PLG: variants seen among roughly 807,000 people sequenced by gnomAD.
PLG encodes the protein plasmin.
Under a neutral mutation model 104.4 loss-of-function variants are expected in PLG, and 41 were observed. The observed-to-expected ratio is 0.39, with a 90% CI of 0.31 to 0.51. PLG has a LOEUF of 0.51. Among genes scored for constraint, PLG ranks in the 20% least tolerant of loss-of-function variants. PLG has a pLI of 0.76. For synonymous variants in PLG, 337 were observed against 357.1 expected, an observed-to-expected ratio of 0.94 and a Z score of 0.63; for missense variants, 891 against 1,003.6, an observed-to-expected ratio of 0.89 and a Z score of 1.52.
chr6:160,748,366 A>AAGAGAGAGAGAGAG (rs1554252951), intron 17 of PLG, among the ~76,000 whole-genome samples: 2 of 38,136 alleles, frequency 5.2e-5, no homozygotes, highest in African/African-American at 9.0e-5. Flanking sequence ...GAAAGAAAGA[A>AAGAGAGAGAGAGAG]AGAAAGAAAG....
intron 6 of PLG, 26 bp downstream of exon 6, chr6:160,714,940 C>T (rs1219485964): frequency 1.2e-5 from 20 of 1,608,352 alleles, no homozygotes; most frequent in Non-Finnish European, 1.6e-5. Flanking sequence ...AAAAACATTC[C>T]ATGTTTAATT....
Position 160,739,621 on chromosome 6 carries a change from G to C in PLG, c.2018+413G>C, listed in dbSNP as rs1413972674. Among the ~76,000 whole-genome samples the C allele has an allele frequency of 6.6e-6, 1 of 151,798 alleles. No individual in the cohort carries two copies. Among genetic ancestry groups the C allele is most frequent in the Non-Finnish European group, 1.5e-5 (1 of 67,944 alleles). On this transcript the variant is annotated intron_variant, in intron 16 of 18. Coordinates refer to ENST00000308192, the MANE Select transcript of PLG (RefSeq NM_000301.5). This position sits in a 1 kb window ranked among gnomAD's most constrained non-coding sequence, Gnocchi z 4.4. ...TAAAAACCACAAGATCGAGTTGGGT[G>C]TCTGGTGTGGGTGCCTGTAATCCCA...
chr6:160,741,136 G>A lies in PLG; in HGVS notation c.2019-175G>A, dbSNP rs1236116041. Among the ~76,000 whole-genome samples, 1 of 152,196 alleles carries A rather than the reference G, an allele frequency of 6.6e-6. No homozygotes were observed. Among genetic ancestry groups the A allele is most frequent in the African/African-American group, 2.4e-5 (1 of 41,432 alleles). On this transcript the variant is annotated intron_variant, in intron 16 of 18. Coordinates refer to ENST00000308192, the MANE Select transcript of PLG (RefSeq NM_000301.5). This position sits in a 1 kb window ranked among gnomAD's most constrained non-coding sequence, Gnocchi z 4.7. The stretch of plus-strand genomic sequence containing the variant: ...AAACCTTACATCTGCATAGTCCATA[G>A]ACAACCACAGGCAAATGTGAGGGTG...
At position 160,735,199 on chromosome 6, in the gene PLG, G is replaced by A. The variant is rs6905971; in HGVS notation, c.1681+1111G>A. Among the ~76,000 whole-genome samples, 2,860 of 152,230 alleles carry A rather than the reference G, an allele frequency of 0.019. 90 individuals carry two copies. The highest frequency in any genetic ancestry group is 0.066 in the African/African-American group (2,746 of 41,512). ...TGGCACCTCTAACTCAAAGTCCCTC[G>A]ATGGAGTCAGTTCCAGTTCTCCACT... is the stretch of plus-strand genomic sequence containing the variant. On this transcript the variant is annotated intron_variant, in intron 13 of 18. Coordinates refer to ENST00000308192, the MANE Select transcript of PLG (RefSeq NM_000301.5). This position sits in a 1 kb window ranked among gnomAD's most constrained non-coding sequence, Gnocchi z 5.4.
rs1366356992 is a variant in PLG, at chr6:160,731,190, C to G, written c.1396C>G (p.Pro466Ala). 1 of 1,614,140 alleles carries G rather than the reference C, an allele frequency of 6.2e-7. No homozygotes were observed. The highest frequency in any genetic ancestry group is 1.7e-5 in the Admixed American group (1 of 60,022). The change falls in exon 11 of 19, where the codon CCT becomes GCT. Residue 466 changes from proline to alanine, a missense_variant. By Grantham distance (27) the Pro-to-Ala change is conservative (BLOSUM62 -1). Transcript: ENST00000308192. The surrounding 1 kb of genome is among the most constrained non-coding windows in gnomAD (Gnocchi z 5.1). ...AGAAGCGAGTGTTGTAGCACCTCCG[C>G]CTGTTGTCCTGCTTCCAGATGTAGA... Reference protein sequence around the residue: ...GTEASVVAPPPVVLLPDVETP... With the variant: ...GTEASVVAPPAVVLLPDVETP...
In PLG at chr6:160,740,927, T is replaced by C. The variant is rs1778182016; in HGVS notation, c.2019-384T>C. Among the ~76,000 whole-genome samples the C allele has an allele frequency of 6.6e-6, 1 of 152,206 alleles. No individual in the cohort carries two copies. Among genetic ancestry groups the C allele is most frequent in the Admixed American group, 6.5e-5 (1 of 15,278 alleles). On this transcript the variant is annotated intron_variant, in intron 16 of 18. Transcript: ENST00000308192. This position sits in a 1 kb window ranked among gnomAD's most constrained non-coding sequence, Gnocchi z 5.2. The stretch of plus-strand genomic sequence containing the variant: ...CATTTGCAATTTTACAGCCTCTTGG[T>C]GGCATCTCAGTCAGACATTCCATGC...
chr6:160,732,999 C>T lies in PLG; in HGVS notation c.1588-996C>T, dbSNP rs1483563717. Among the ~76,000 whole-genome samples, 1 of 152,124 alleles carries T rather than the reference C, an allele frequency of 6.6e-6. No individual in the cohort carries two copies. Among genetic ancestry groups the T allele is most frequent in the African/African-American group, 2.4e-5 (1 of 41,420 alleles). On this transcript the variant is annotated intron_variant, in intron 12 of 18. Transcript: ENST00000308192. The surrounding 1 kb of genome is among the most constrained non-coding windows in gnomAD (Gnocchi z 4.5). ...TTGGACGTGGGGGGCTGAACAGTTC[C>T]AACCCTGCAATCACATGGTTGGTTC... is the stretch of plus-strand genomic sequence containing the variant.
chr6:160,726,051 T>C lies in PLG; in HGVS notation c.1256+3484T>C, dbSNP rs762054112. 8.6e-5 allele frequency among the ~76,000 whole-genome samples: 13 copies of C among 151,860 alleles called. No individual in the cohort carries two copies. The highest frequency in any genetic ancestry group is 2.1e-4 in the South Asian group (1 of 4,818). On this transcript the variant is annotated intron_variant, in intron 10 of 18. Coordinates refer to ENST00000308192, the MANE Select transcript of PLG (RefSeq NM_000301.5). The surrounding 1 kb of genome is among the most constrained non-coding windows in gnomAD (Gnocchi z 4.4). ...TGGTTATACATCTTCCCAAACAAAATATAATAGAAAAAATACACAAAAAAA... is the reference window on the plus strand; with the variant it reads ...TGGTTATACATCTTCCCAAACAAAACATAATAGAAAAAATACACAAAAAAA...
Position 160,726,365 on chromosome 6 carries a change from A to T in PLG, c.1256+3798A>T, listed in dbSNP as rs1204732959. On this transcript the variant is annotated intron_variant, in intron 10 of 18. Coordinates refer to ENST00000308192, the MANE Select transcript of PLG (RefSeq NM_000301.5). This position sits in a 1 kb window ranked among gnomAD's most constrained non-coding sequence, Gnocchi z 4.4. ...TTCATAAGTCAAAGAAGGAATTTAG[A>T]AAAGTTTTGAACTGAATAATAGTAA... is the stretch of plus-strand genomic sequence containing the variant. Among the ~76,000 whole-genome samples, 1 of 152,096 alleles carries T rather than the reference A, an allele frequency of 6.6e-6. No homozygotes were observed. Among genetic ancestry groups the T allele is most frequent in the East Asian group, 1.9e-4 (1 of 5,188 alleles).
In PLG at chr6:160,752,984, C is replaced by T. The variant is rs200857824; in HGVS notation, c.2356C>T (p.Arg786Cys). 1.4e-4 allele frequency: 226 copies of T among 1,610,034 alleles called. No homozygotes were observed. The highest frequency in any genetic ancestry group is 9.9e-4 in the Middle Eastern group (6 of 6,048). ...GVTSWGLGCA[R>C]PNKPGVYVRV... ...CACTTCTTGGGGTCTTGGCTGTGCA[C>T]GCCCCAATAAGCCTGGTGTCTATGT... The change falls in exon 19 of 19, where the codon CGC becomes TGC. Residue 786 changes from arginine to cysteine, a missense_variant. Physicochemically the swap from Arg to Cys is radical, Grantham distance 180. Coordinates refer to ENST00000308192, the MANE Select transcript of PLG (RefSeq NM_000301.5). The surrounding 1 kb of genome is among the most constrained non-coding windows in gnomAD (Gnocchi z 4.7).
In PLG at chr6:160,722,545, A is replaced by G. The variant is rs749021358; in HGVS notation, c.1234A>G (p.Thr412Ala). 5 of 1,613,734 alleles carry G rather than the reference A, an allele frequency of 3.1e-6. No homozygotes were observed. Among genetic ancestry groups the G allele is most frequent in the Non-Finnish European group, 4.2e-6 (5 of 1,179,872 alleles). The change falls in exon 10 of 19, where the codon ACC becomes GCC. Residue 412 changes from threonine (T) to alanine (A), a missense_variant. Coordinates refer to ENST00000308192, the MANE Select transcript of PLG (RefSeq NM_000301.5). ...SSMTPHRHQK[T>A]PENYPNAGLT... The stretch of plus-strand genomic sequence containing the variant: ...TATGACACCACACCGGCACCAGAAG[A>G]CCCCAGAAAACTACCCAAATGCGTA...
intron 4 of PLG, chr6:160,712,291 T>C (rs527380433): frequency 1.3e-5 from 2 of 156,822 alleles, no homozygotes; most frequent in Admixed American, 1.2e-4. Context: ...AGTCTTGTGA[T>C]TTTCATCTAA....
chr6:160,743,010 T>G (rs1446274414), intron 17 of PLG, among the ~76,000 whole-genome samples: 1 of 65,848 alleles, frequency 1.5e-5, no homozygotes, highest in Non-Finnish European at 2.8e-5. Context: ...GGTCTACGTG[T>G]CTTTTTTTTT....
chr6:160,712,810 G>C (rs564710868), intron 4 of PLG, among the ~76,000 whole-genome samples, 176 bp from the exon 5 acceptor site: 1 of 152,306 alleles, frequency 6.6e-6, no homozygotes, highest in East Asian at 1.9e-4. Flanking sequence ...TACTGTGCCA[G>C]AAGCAGCCTA....
At chr6:160,706,906 G>A (rs1272416190) in intron 2 of PLG, among the ~76,000 whole-genome samples, 2 of 151,140 alleles carry the variant, frequency 1.3e-5, no homozygotes, top group Admixed American at 1.3e-4. Flanking sequence ...TCCAGTGCCT[G>A]CCCTTTAGTA....
intron 17 of PLG, among the ~76,000 whole-genome samples, chr6:160,748,648 C>G (rs1286198446): frequency 6.6e-6 from 1 of 152,172 alleles, no homozygotes; most frequent in Admixed American, 6.5e-5. Flanking sequence ...TCTAACATGA[C>G]TCTTTCTTGC....
chr6:160,703,925 T>C (rs556940159), intron 1 of PLG, among the ~76,000 whole-genome samples: 25 of 152,344 alleles, frequency 1.6e-4, no homozygotes, highest in Admixed American at 1.0e-3. Flanking sequence ...TGTGCTGCAA[T>C]GCCCGGGGAG....
rs1778180460 is a variant in PLG, at chr6:160,740,867, C to CCAAG, written c.2019-443_2019-440dup. On this transcript the variant is annotated intron_variant, in intron 16 of 18. Transcript: ENST00000308192. This position sits in a 1 kb window ranked among gnomAD's most constrained non-coding sequence, Gnocchi z 5.2. ...ATTCACTGAGGAGGAAATGGAGGAT[C>CCAAG]CAAGGATGGAGCAAGTTGCTCTGGG... is the stretch of plus-strand genomic sequence containing the variant. Among the ~76,000 whole-genome samples, 2 of 152,102 alleles carry CCAAG rather than the reference C, an allele frequency of 1.3e-5. No homozygotes were observed. Among genetic ancestry groups the CCAAG allele is most frequent in the Admixed American group, 6.5e-5 (1 of 15,268 alleles).
chr6:160,713,083 C>A lies in PLG; in HGVS notation c.505C>A (p.Pro169Thr), dbSNP rs143256245. 194 of 1,609,794 alleles carry A rather than the reference C, an allele frequency of 1.2e-4. No homozygotes were observed. Among genetic ancestry groups the A allele is most frequent in the Non-Finnish European group, 1.6e-4 (188 of 1,178,026 alleles). ...PQGPWCYTTD[P>T]EKRYDYCDIL... ...GGGGCCCTGGTGCTATACTACTGATCCAGAAAAGAGATATGACTACTGCGA... is the reference window on the plus strand; with the variant it reads ...GGGGCCCTGGTGCTATACTACTGATACAGAAAAGAGATATGACTACTGCGA... Residue 169 changes from proline to threonine, a missense_variant, in exon 5 of 19, where the codon CCA (proline) becomes ACA (threonine). By Grantham distance (38) the Pro-to-Thr change is conservative. This residue lies in a region of PLG where 854 missense variants were observed against 932.1 expected (regional missense o/e 0.92). Coordinates refer to ENST00000308192, the MANE Select transcript of PLG (RefSeq NM_000301.5).
Sources: allele counts gnomAD v4.1 joint callset (sites outside exome capture counted in the v4.1 genomes callset), GRCh38; gene constraint gnomAD v4.1.1; regional missense constraint gnomAD v4.1.1; non-coding constraint Gnocchi (gnomAD v3.1); transcripts MANE v1.5; gene names NCBI Gene and HGNC (gene_info 2026-07-23, HGNC 2026-07-21).